The following LYRM4 variants were observed in gnomAD, a reference collection of about 807,000 sequenced individuals.
LYRM4 encodes the protein LYR motif containing 4, also known as LYR motif-containing protein 4.
LYRM4 carries 9 observed loss-of-function variants against 11.7 expected under a neutral mutation model. The observed-to-expected ratio is 0.77, with a 90% CI of 0.46 to 1.34. LYRM4 has a LOEUF of 1.34. LYRM4 is among the 40% of genes most tolerant of loss of function. The pLI, the probability that LYRM4 is intolerant of heterozygous loss-of-function variation, is 0.00. For synonymous variants in LYRM4, 42 were observed against 40.4 expected (o/e 1.04, Z -0.15); for missense variants, 133 against 112.5 (o/e 1.18, Z -0.82).
the LYRM4 span, chr6:5,034,758 T>TTTTTTTTTTTTTG: frequency 8.5e-5 from 1 of 11,800 alleles, no homozygotes; most frequent in African/African-American, 1.6e-4. Flanking sequence ...CAATGCTTTT[T>TTTTTTTTTTTTTG]TTTTTTTTTT....
At chr6:5,154,374 CT>C (rs1758263134) in intron 2 of LYRM4, among the ~76,000 whole-genome samples, 1 of 152,212 alleles carries the variant, frequency 6.6e-6, no homozygotes, top group Non-Finnish European at 1.5e-5. Flanking sequence ...ATTCCCCCAT[CT>C]CCAGCTCCCA....
the LYRM4 span, chr6:5,087,836 C>T: frequency 1.3e-5 from 2 of 152,264 alleles, no homozygotes; most frequent in Non-Finnish European, 2.9e-5. Flanking sequence ...AGGAGGGCAT[C>T]CCGAGTAAGG....
Position 5,218,987 on chromosome 6 carries a change from A to C in LYRM4, c.87-2249T>G, listed in dbSNP as rs748295194. ...AGCAAAGAGGGGACAAAATAATTTA[A>C]TTCTAATATTTGTTCCACAGGCAAA... On this transcript the variant is annotated intron_variant, in intron 1 of 2. Transcript: ENST00000330636. 4.6e-5 allele frequency among the ~76,000 whole-genome samples: 7 copies of C among 152,372 alleles called. No homozygotes were observed. In the South Asian group the frequency reaches 1.2e-3, roughly 27 times the overall value.
At chr6:5,147,242 G>A (rs1757778507) in intron 2 of LYRM4, among the ~76,000 whole-genome samples, 1 of 152,108 alleles carries the variant, frequency 6.6e-6, no homozygotes, top group Non-Finnish European at 1.5e-5. Flanking sequence ...AGCTCATTTT[G>A]TTACCTTAAC....
At chr6:5,103,133 G>T (rs1344034609), downstream of LYRM4, 2 of 152,204 alleles carry the variant, frequency 1.3e-5, no homozygotes, top group Non-Finnish European at 2.9e-5. Context: ...CGTCCACATA[G>T]ACTTTAGGTA....
rs150259437 is a variant in LYRM4 at position 5,137,558 on chromosome 6, T to C, written c.208-28067A>G. 2.6e-3 allele frequency among the ~76,000 whole-genome samples: 396 copies of C among 152,296 alleles called. 1 individual carries two copies. Among genetic ancestry groups the C allele is most frequent in the Non-Finnish European group, 4.4e-3 (300 of 68,010 alleles). On this transcript the variant is annotated intron_variant, in intron 2 of 2. Transcript: ENST00000330636. Reference sequence around the variant, plus strand: ...ACTGCATTGATACTGAACATCTTCTTTGAGCTCAGTTCCTCCTCACAGAGG... The same window carrying C: ...ACTGCATTGATACTGAACATCTTCTCTGAGCTCAGTTCCTCCTCACAGAGG...
chr6:5,150,234 C>G (rs1032690346), intron 2 of LYRM4, among the ~76,000 whole-genome samples: 3 of 152,220 alleles, frequency 2.0e-5, no homozygotes, highest in Admixed American at 6.5e-5. Context: ...CATTCTGGAC[C>G]TTTATTCTCA....
chr6:5,066,236 A>C, the LYRM4 span: 3 of 723,194 alleles, frequency 4.1e-6, no homozygotes, highest in South Asian at 4.1e-5. Flanking sequence ...ATAACACTTC[A>C]TACATGATAC....
intron 1 of LYRM4, among the ~76,000 whole-genome samples, chr6:5,245,189 A>G (rs1409333347): frequency 7.4e-6 from 1 of 134,606 alleles, no homozygotes; most frequent in Non-Finnish European, 1.6e-5. Flanking sequence ...CTGGAACAAA[A>G]AAGATCAATA....
intron 2 of LYRM4, among the ~76,000 whole-genome samples, chr6:5,165,686 G>A (rs1031061848): frequency 1.3e-5 from 2 of 152,010 alleles, no homozygotes; most frequent in African/African-American, 2.4e-5. Flanking sequence ...GGGACTAGAG[G>A]TGCATACCAC....
chr6:5,156,813 T>C lies in LYRM4; in HGVS notation c.208-47322A>G, dbSNP rs373559628. ...ATAGGAGAGTACGGGTGAGAATCTG[T>C]ACTGCAAGGCAATCCTGACTTCCCA... is the stretch of plus-strand genomic sequence containing the variant. On this transcript the variant is annotated intron_variant, in intron 2 of 2. Coordinates refer to ENST00000330636, the MANE Select transcript of LYRM4 (RefSeq NM_020408.6). 1.4e-4 allele frequency among the ~76,000 whole-genome samples: 21 copies of C among 152,340 alleles called. No individual in the cohort carries two copies. In the East Asian group the frequency reaches 3.7e-3, roughly 27 times the overall value.
the LYRM4 span, among the ~76,000 whole-genome samples, chr6:5,052,719 T>C: frequency 6.6e-6 from 1 of 152,250 alleles, no homozygotes; most frequent in Non-Finnish European, 1.5e-5. Context: ...TGAAAATGGT[T>C]ATATAATAGT....
At chr6:5,235,744 G>A (rs968767954) in intron 1 of LYRM4, among the ~76,000 whole-genome samples, 5 of 152,242 alleles carry the variant, frequency 3.3e-5, no homozygotes, top group Middle Eastern at 3.4e-3. Flanking sequence ...AAAATAATCT[G>A]GTTGTGTTAG....
chr6:5,154,856 C>T (rs990934870), intron 2 of LYRM4, among the ~76,000 whole-genome samples: 4 of 152,214 alleles, frequency 2.6e-5, no homozygotes, highest in Admixed American at 1.3e-4. Flanking sequence ...AAAAGAAAGG[C>T]GGATTCACAA....
chr6:5,114,704 A>C (rs1342272772), intron 2 of LYRM4, among the ~76,000 whole-genome samples: 1 of 152,134 alleles, frequency 6.6e-6, no homozygotes, highest in Non-Finnish European at 1.5e-5. Context: ...TGGGCCACAC[A>C]TAAAATACAC....
At chr6:5,085,868 G>C in the LYRM4 span, 7 of 1,531,084 alleles carry the variant, frequency 4.6e-6, no homozygotes, top group South Asian at 6.0e-5. Flanking sequence ...TGCGCCAAGT[G>C]CAAGAAGCGG....
intron 2 of LYRM4, among the ~76,000 whole-genome samples, chr6:5,161,905 A>G (rs1758780144): frequency 1.3e-5 from 2 of 152,172 alleles, no homozygotes; most frequent in African/African-American, 2.4e-5. Flanking sequence ...GAGGTTCTCA[A>G]GGGGTGATTA....
chr6:5,092,129 C>T, the LYRM4 span, among the ~76,000 whole-genome samples: 1 of 152,178 alleles, frequency 6.6e-6, no homozygotes, highest in African/African-American at 2.4e-5. Flanking sequence ...TGAACACATC[C>T]TGCAGATGGT....
At chr6:5,168,266 C>T (rs35247793) in intron 2 of LYRM4, among the ~76,000 whole-genome samples, 1,762 of 152,186 alleles carry the variant, frequency 0.012, 36 homozygotes, top group African/African-American at 0.038. Flanking sequence ...GGATGCAAAA[C>T]GTGGGCAAAA....
Sources: allele counts gnomAD v4.1 joint callset (sites outside exome capture counted in the v4.1 genomes callset), GRCh38; gene constraint gnomAD v4.1.1; transcripts MANE v1.5; gene names NCBI Gene and HGNC (gene_info 2026-07-23, HGNC 2026-07-21).